Variants in NAV1 observed in about 807,000 individuals in gnomAD.
The protein encoded by NAV1 is pore membrane and/or filament interacting like protein 3.
Under a neutral mutation model 175.2 loss-of-function variants are expected in NAV1, and 18 were observed. The ratio of observed to expected loss-of-function variants is 0.10; its 90% confidence interval spans 0.07 to 0.15. The LOEUF is 0.15. Among genes scored for constraint, NAV1 ranks in the 10% least tolerant of loss-of-function variants. NAV1 has a pLI of 1.00. For synonymous variants in NAV1, 897 were observed against 978.7 expected (o/e 0.92, Z 1.56); for missense variants, 1,731 against 2,436.6 (o/e 0.71, Z 6.10).
At chr1:201,590,023 G>A (rs990500674) in intron 2 of NAV1, among the ~76,000 whole-genome samples, 2 of 152,164 alleles carry the variant, frequency 1.3e-5, no homozygotes, top group Non-Finnish European at 2.9e-5. Flanking sequence ...CTCCAGAGTG[G>A]CTGGGATTAC....
At chr1:201,781,449 A>G (rs990944704) in intron 5 of NAV1, 140 bp downstream of exon 9, 2 of 846,312 alleles carry the variant, frequency 2.4e-6, no homozygotes, top group African/African-American at 3.4e-5. Context: ...TGGTCTAAGG[A>G]CAGTCCCGTG....
chr1:201,578,711 C>T (rs542258793), intron 1 of NAV1, among the ~76,000 whole-genome samples: 84 of 152,350 alleles, frequency 5.5e-4, no homozygotes, highest in Non-Finnish European at 8.8e-4. Context: ...CCCACTTGCC[C>T]TTCGCTGCCC....
chr1:201,796,379 A>C (rs1271072129), intron 15 of NAV1: 2 of 151,920 alleles, frequency 1.3e-5, no homozygotes, highest in African/African-American at 2.4e-5. Context: ...CTGGAGTGCA[A>C]TGGTGCAATC....
At chr1:201,725,733 A>T (rs1410683194) in intron 3 of NAV1, among the ~76,000 whole-genome samples, 1 of 152,038 alleles carries the variant, frequency 6.6e-6, no homozygotes, top group Non-Finnish European at 1.5e-5. Context: ...GGGAGAGAGG[A>T]TCGCTTGAGA....
chr1:201,631,444 A>G (rs1422977870), intron 2 of NAV1, among the ~76,000 whole-genome samples: 1 of 152,234 alleles, frequency 6.6e-6, no homozygotes, highest in South Asian at 2.1e-4. Context: ...CATTCAATCT[A>G]CAAACCATCA....
intron 2 of NAV1, among the ~76,000 whole-genome samples, chr1:201,714,837 C>A (rs981060211): frequency 6.6e-6 from 1 of 152,178 alleles, no homozygotes; most frequent in Non-Finnish European, 1.5e-5. Flanking sequence ...GCAGCTCCAG[C>A]CTCCTGGTGC....
At chr1:201,642,008 CTTCTCTCTTTCT>C (rs1668770164) in intron 2 of NAV1, among the ~76,000 whole-genome samples, 1 of 149,054 alleles carries the variant, frequency 6.7e-6, no homozygotes, top group African/African-American at 2.5e-5. Context: ...TATTCCCTTC[CTTCTCTCTTTCT>C]TTCTCTTCCT....
intron 1 of NAV1, among the ~76,000 whole-genome samples, chr1:201,659,387 C>T (rs652566): frequency 0.45 from 68,246 of 152,012 alleles, 15,992 homozygotes; most frequent in South Asian, 0.61. Flanking sequence ...AGGCCGAGGT[C>T]GTAGAATCGC....
chr1:201,810,871 T>C lies in NAV1; in HGVS notation c.4797+113T>C. 2 of 725,972 alleles carry C rather than the reference T, an allele frequency of 2.8e-6. No homozygotes were observed. Among genetic ancestry groups the C allele is most frequent in the Non-Finnish European group, 4.6e-6 (2 of 434,000 alleles). The allele number at this position is 725,972 out of a possible 1,614,324, so 45.0% of individuals were successfully genotyped here. ...TCCCTTTTCCTCACCTCTGCCTTCA[T>C]CTTTCTTCTCTTCTGTGTTCATTTC... On this transcript the variant is annotated intron_variant, in intron 24 of 29. Transcript: ENST00000367296. The surrounding 1 kb of genome is among the most constrained non-coding windows in gnomAD (Gnocchi z 6.0).
chr1:201,726,666 A>T (rs1672619232), intron 3 of NAV1, among the ~76,000 whole-genome samples: 1 of 151,496 alleles, frequency 6.6e-6, no homozygotes, highest in Non-Finnish European at 1.5e-5. Flanking sequence ...AAAAAAAAAA[A>T]TAGAAATCTA....
At chr1:201,628,155 AAGAG>A (rs1375960830) in intron 1 of NAV1, among the ~76,000 whole-genome samples, 1 of 150,052 alleles carries the variant, frequency 6.7e-6, no homozygotes, top group African/African-American at 2.5e-5. Flanking sequence ...AAAAAAAAAA[AAGAG>A]AGACAGTAGT....
chr1:201,817,039 C>T, intron 28 of NAV1, 49 bp from the exon 33 acceptor site: 1 of 1,568,438 alleles, frequency 6.4e-7, no homozygotes, highest in Admixed American at 1.7e-5. Context: ...ATGAACAAGC[C>T]TCTAATCTGT....
chr1:201,579,879 T>C lies in NAV1; in HGVS notation c.-143-8660T>C, dbSNP rs188141483. ...TGATTTTGGAGGCTGAGAAGTCCCA[T>C]GATAGGCTGTCTGTAGGCTGAAGAA... On this transcript the variant is annotated intron_variant, in intron 1 of 33. Transcript: ENST00000685211. 1.5e-3 allele frequency among the ~76,000 whole-genome samples: 230 copies of C among 152,304 alleles called. 3 individuals are homozygous for C. The highest frequency in any genetic ancestry group is 5.3e-3 in the African/African-American group (220 of 41,558).
chr1:201,605,969 A>G (rs1160109936), intron 2 of NAV1, among the ~76,000 whole-genome samples: 1 of 152,164 alleles, frequency 6.6e-6, no homozygotes, highest in Non-Finnish European at 1.5e-5. Flanking sequence ...AGGGAAAAAG[A>G]GGGAAAGAGG....
At chr1:201,744,731 C>T (rs1307711002) in intron 3 of NAV1, among the ~76,000 whole-genome samples, 1 of 152,126 alleles carries the variant, frequency 6.6e-6, no homozygotes. Context: ...AAGAGTTTTC[C>T]AGAGGGACAA....
At chr1:201,702,173 T>C (rs1671454462) in intron 1 of NAV1, among the ~76,000 whole-genome samples, 1 of 152,074 alleles carries the variant, frequency 6.6e-6, no homozygotes, top group African/African-American at 2.4e-5. Flanking sequence ...ATGTCTAGAA[T>C]AGGCAAACTC....
chr1:201,764,781 A>G (rs1289983847), intron 3 of NAV1, among the ~76,000 whole-genome samples: 1 of 152,264 alleles, frequency 6.6e-6, no homozygotes, highest in African/African-American at 2.4e-5. Flanking sequence ...AAGTATGATC[A>G]GATACCAGAA....
At chr1:201,742,215 T>G (rs1673470655) in intron 3 of NAV1, among the ~76,000 whole-genome samples, 2 of 152,208 alleles carry the variant, frequency 1.3e-5, no homozygotes, top group Non-Finnish European at 2.9e-5. Context: ...ACTTTCCCTG[T>G]AAATGATGTT....
intron 2 of NAV1, among the ~76,000 whole-genome samples, chr1:201,638,457 C>T (rs1449338284): frequency 1.3e-5 from 2 of 152,212 alleles, no homozygotes; most frequent in Admixed American, 6.5e-5. Context: ...GTTACAGGAG[C>T]TCCTCAGCAG....
Sources: allele counts gnomAD v4.1 joint callset (sites outside exome capture counted in the v4.1 genomes callset), GRCh38; gene constraint gnomAD v4.1.1; non-coding constraint Gnocchi (gnomAD v3.1); transcripts MANE v1.5; gene names NCBI Gene and HGNC (gene_info 2026-07-23, HGNC 2026-07-21).